The following PCDH11X variants were observed in gnomAD, a reference collection of about 807,000 sequenced individuals.
The protein encoded by PCDH11X is protocadherin 11 X-linked, also known as protocadherin-11 X-linked.
In PCDH11X, 18 loss-of-function variants were observed where a neutral mutation model predicts 53.3. The observed-to-expected ratio is 0.34, with a 90% CI of 0.23 to 0.50. The LOEUF (loss-of-function observed/expected upper bound fraction) is 0.50, where lower values mean the gene tolerates loss of function less well. PCDH11X is among the 20% of genes least tolerant of loss of function. The probability of loss-of-function intolerance (pLI) is 0.98; values close to 1 mark genes in which losing one functional copy is unlikely to be tolerated. For missense variants in PCDH11X, 570 were observed against 1,032.4 expected (o/e 0.55, Z 6.14); for synonymous variants, 279 against 393.3 (o/e 0.71, Z 3.44).
intron 6 of PCDH11X, among the ~76,000 whole-genome samples, chrX:91,946,371 C>T (rs1235833499): frequency 9.5e-6 from 1 of 105,492 alleles, no homozygotes; most frequent in African/African-American, 3.4e-5. Flanking sequence ...TTTCTCAGTA[C>T]CATGATCTTA....
intron 6 of PCDH11X, among the ~76,000 whole-genome samples, chrX:92,180,977 A>G (rs865864228): frequency 1.8e-5 from 2 of 111,374 alleles, no homozygotes; most frequent in African/African-American, 3.3e-5. Context: ...AAAGATACCA[A>G]AAAATGTGAA....
intron 8 of PCDH11X, among the ~76,000 whole-genome samples, chrX:92,282,496 T>C (rs753671082): frequency 8.9e-6 from 1 of 111,874 alleles, no homozygotes; most frequent in Non-Finnish European, 1.9e-5. Context: ...TATCTGACAT[T>C]GAGGGTAGAA....
chrX:91,805,303 C>CT (rs1936062538), intron 1 of PCDH11X, among the ~76,000 whole-genome samples: 1 of 110,746 alleles, frequency 9.0e-6, no homozygotes, highest in Non-Finnish European at 1.9e-5. Flanking sequence ...TTCTGGCGTT[C>CT]TTTAAACTAG....
At chrX:92,032,563 G>T (rs2063068164) in intron 6 of PCDH11X, among the ~76,000 whole-genome samples, 1 of 111,136 alleles carries the variant, frequency 9.0e-6, no homozygotes, top group African/African-American at 3.3e-5. Context: ...TGTTCCAGAT[G>T]TTGGAGGAAA....
chrX:92,446,428 G>C (rs1377201535), intron 9 of PCDH11X, among the ~76,000 whole-genome samples: 8 of 111,017 alleles, frequency 7.2e-5, no homozygotes, highest in Admixed American at 2.9e-4. Flanking sequence ...AACCTGGTGG[G>C]AGGTGACTGA....
At chrX:92,310,926 G>T (rs1181344705) in intron 8 of PCDH11X, among the ~76,000 whole-genome samples, 1 of 111,845 alleles carries the variant, frequency 8.9e-6, no homozygotes, top group East Asian at 2.8e-4. Flanking sequence ...AACCTGAGCA[G>T]TTTGATATAT....
intron 6 of PCDH11X, among the ~76,000 whole-genome samples, chrX:92,135,783 G>GTGTA (rs2065073135): frequency 9.2e-6 from 1 of 109,082 alleles, no homozygotes; most frequent in South Asian, 4.0e-4. Flanking sequence ...GTGTGTGTGT[G>GTGTA]TGTATGGTGG....
At chrX:91,851,955 T>A (rs1016205218) in intron 5 of PCDH11X, among the ~76,000 whole-genome samples, 18 of 110,622 alleles carry the variant, frequency 1.6e-4, no homozygotes, top group Non-Finnish European at 2.5e-4. Context: ...AAAAAAAAAA[T>A]TTCTCCTACT....
chrX:92,219,398 CA>C (rs1162166107), intron 7 of PCDH11X, among the ~76,000 whole-genome samples: 2 of 110,795 alleles, frequency 1.8e-5, no homozygotes, highest in Admixed American at 1.9e-4. Flanking sequence ...TTTTATACAC[CA>C]ATAACAGACA....
intron 10 of PCDH11X, among the ~76,000 whole-genome samples, chrX:92,514,441 C>T (rs1341999868): frequency 9.2e-6 from 1 of 108,995 alleles, no homozygotes; most frequent in East Asian, 2.9e-4. Context: ...AAATTAATAC[C>T]TTTAAATCGC....
Position 92,426,622 on chromosome X carries a change from G to A in PCDH11X, c.3343+38689G>A, listed in dbSNP as rs762861065. 6.5e-5 allele frequency among the ~76,000 whole-genome samples: 7 copies of A among 107,752 alleles called. No individual in the cohort carries two copies. The South Asian group carries it at 2.9e-3, about 44-fold the overall frequency. The allele number at this position is 107,752 out of a possible 115,157, so 93.6% of individuals were successfully genotyped here. ...ATAACTAATATCAATGCTTATTGTT[G>A]CATAAAATAATACTATTTTAGGAAA... On this transcript the variant is annotated intron_variant, in intron 9 of 10. Transcript: ENST00000682573.
chrX:92,286,793 C>T (rs1471122756), intron 8 of PCDH11X, among the ~76,000 whole-genome samples: 1 of 89,049 alleles, frequency 1.1e-5, no homozygotes, highest in African/African-American at 4.2e-5. Flanking sequence ...GAATTATAAT[C>T]TATAAATATA....
chrX:92,213,253 T>G (rs747254000), intron 7 of PCDH11X, among the ~76,000 whole-genome samples: 134 of 112,349 alleles, frequency 1.2e-3, no homozygotes, highest in African/African-American at 4.1e-3. Context: ...TCATTGACCT[T>G]TAGCCGTTTG....
At chrX:91,866,778 G>C (rs774692553) in intron 5 of PCDH11X, among the ~76,000 whole-genome samples, 5 of 111,031 alleles carry the variant, frequency 4.5e-5, no homozygotes, top group Admixed American at 3.8e-4. Context: ...GTGTCCTTGT[G>C]GGGAGGATGA....
intron 10 of PCDH11X, among the ~76,000 whole-genome samples, chrX:92,501,296 G>A (rs1014623639): frequency 4.5e-5 from 5 of 110,968 alleles, no homozygotes; most frequent in African/African-American, 1.6e-4. Context: ...TCTACCAGAA[G>A]TACAAAGAAG....
chrX:92,491,033 T>G (rs2073754518), intron 10 of PCDH11X, among the ~76,000 whole-genome samples: 2 of 109,632 alleles, frequency 1.8e-5, no homozygotes, highest in African/African-American at 3.3e-5. Flanking sequence ...TAAGCTTGTC[T>G]TGTGGTCTGT....
At chrX:91,951,320 A>G (rs1432843617) in intron 6 of PCDH11X, among the ~76,000 whole-genome samples, 1 of 110,490 alleles carries the variant, frequency 9.1e-6, no homozygotes, top group East Asian at 2.9e-4. Flanking sequence ...TAGTAACAGA[A>G]TTTATGTGGA....
At chrX:92,484,875 A>G (rs1244579432) in intron 10 of PCDH11X, among the ~76,000 whole-genome samples, 1 of 111,082 alleles carries the variant, frequency 9.0e-6, no homozygotes, top group Non-Finnish European at 1.9e-5. Flanking sequence ...TGATTGCTGT[A>G]TAAAATGAGG....
At chrX:92,490,873 T>C (rs1351854714) in intron 10 of PCDH11X, among the ~76,000 whole-genome samples, 3 of 109,065 alleles carry the variant, frequency 2.8e-5, no homozygotes, top group Non-Finnish European at 5.7e-5. Context: ...TTTAGTGAAA[T>C]GACAAATGGA....
Sources: allele counts gnomAD v4.1 joint callset (sites outside exome capture counted in the v4.1 genomes callset), GRCh38; gene constraint gnomAD v4.1.1; transcripts MANE v1.5; gene names NCBI Gene and HGNC (gene_info 2026-07-23, HGNC 2026-07-21).